Variants in GSAP observed in about 807,000 individuals in gnomAD.
GSAP encodes the protein gamma-secretase activating protein, also known as gamma-secretase-activating protein.
GSAP carries 118 observed loss-of-function variants against 131.7 expected under a neutral mutation model. The ratio of observed to expected loss-of-function variants is 0.90; its 90% CI spans 0.77 to 1.04. The LOEUF is 1.04. GSAP is among the 50% of genes least tolerant of loss of function. The probability of loss-of-function intolerance (pLI) is 0.00; values close to 1 mark genes in which losing one functional copy is unlikely to be tolerated. For missense variants in GSAP, 1,019 were observed against 1,013.2 expected (o/e 1.01, Z -0.08); for synonymous variants, 381 against 363.4 (o/e 1.05, Z -0.55).
chr7:77,328,532 G>C, intron 22 of GSAP, 74 bp downstream of exon 22: 1 of 1,568,954 alleles, frequency 6.4e-7, no homozygotes. Flanking sequence ...CCAACCCACA[G>C]TGGTAGGAAG....
chr7:77,376,811 T>C (rs1471459666), intron 10 of GSAP, 37 bp downstream of exon 10: 1 of 855,938 alleles, frequency 1.2e-6, no homozygotes. Flanking sequence ...TAATGTATCA[T>C]AAACTTTCCT....
At chr7:77,312,055 A>G in intron 29 of GSAP, 46 bp downstream of exon 29, 1 of 1,310,684 alleles carries the variant, frequency 7.6e-7, no homozygotes, top group Non-Finnish European at 1.1e-6. Flanking sequence ...ACGGGCAAAC[A>G]GGATCCTAAA....
rs376172672 is a variant in GSAP at position 77,312,143 on chromosome 7, C to T, written c.2331G>A (p.Ser777=). Residue 777 remains serine (S), a synonymous_variant, in exon 29 of 31, where the codon TCG becomes TCA. Coordinates refer to ENST00000257626, the MANE Select transcript of GSAP (RefSeq NM_017439.4). ...GAAGCAGTCGCGTCACGTGGTTCCGCGAAATGATGTTAGAACTCATAGGAT... is the reference window on the plus strand; with the variant it reads ...GAAGCAGTCGCGTCACGTGGTTCCGTGAAATGATGTTAGAACTCATAGGAT... ...WDHPMSSNII[S]RNHVTRLLQN... is the part of the protein sequence containing the mutation. The T allele has an allele frequency of 6.8e-5, 109 of 1,604,948 alleles. No homozygotes were observed. Among genetic ancestry groups the T allele is most frequent in the East Asian group, 3.6e-4 (16 of 44,782 alleles).
At chr7:77,410,912 T>C (rs1053312197) in intron 1 of GSAP, among the ~76,000 whole-genome samples, 2 of 152,138 alleles carry the variant, frequency 1.3e-5, no homozygotes, top group African/African-American at 2.4e-5. Context: ...AAATAATTCA[T>C]ATAAATCCTC....
In GSAP at chr7:77,416,208, C is replaced by A. The variant is rs1016804573; in HGVS notation, c.109+5G>T. On this transcript the variant is annotated splice_donor_5th_base_variant and intron_variant, in intron 1 of 30. Coordinates refer to ENST00000257626, the MANE Select transcript of GSAP (RefSeq NM_017439.4). The stretch of plus-strand genomic sequence containing the variant: ...CCACCCCTCTCCGCAGCGCGCCTCC[C>A]GCACCTGCGCCGCCGCTTCCGGCCC... The A allele has an allele frequency of 1.4e-6, 2 of 1,432,578 alleles. No individual in the cohort carries two copies. The highest frequency in any genetic ancestry group is 1.8e-6 in the Non-Finnish European group (2 of 1,087,906). 88.7% of individuals were successfully genotyped at this position (1,432,578 alleles called of 1,614,324 possible). A position where few individuals can be genotyped will look rare whatever the true frequency, so the allele number is the denominator to read the frequency against.
intron 30 of GSAP, 195 bp downstream of exon 30, chr7:77,311,646 T>C (rs534385586): frequency 1.6e-4 from 92 of 591,004 alleles, no homozygotes; most frequent in African/African-American, 1.5e-3. Context: ...CTCTTGACTC[T>C]TTTAAAACTT....
At chr7:77,353,182 T>G (rs1470083536) in intron 17 of GSAP, among the ~76,000 whole-genome samples, 156 bp from the exon 18 acceptor site, 1 of 152,210 alleles carries the variant, frequency 6.6e-6, no homozygotes, top group African/African-American at 2.4e-5. Flanking sequence ...ATCTACTGAC[T>G]AAAATGTTCA....
chr7:77,315,380 G>A (rs1794861175), intron 26 of GSAP: 1 of 152,198 alleles, frequency 6.6e-6, no homozygotes. Flanking sequence ...CTTTCCCACA[G>A]GGCTGCTTTG....
chr7:77,372,621 A>C (rs922070016), intron 12 of GSAP, among the ~76,000 whole-genome samples: 1 of 152,246 alleles, frequency 6.6e-6, no homozygotes, highest in Non-Finnish European at 1.5e-5. Context: ...ATATATAGTG[A>C]GAATGATAAA....
rs535918091 is a variant in GSAP at position 77,371,733 on chromosome 7, G to A, written c.871+2337C>T. 5.1e-4 allele frequency among the ~76,000 whole-genome samples: 78 copies of A among 152,232 alleles called. 2 individuals carry two copies. Among genetic ancestry groups the A allele is most frequent in the South Asian group, 8.3e-4 (4 of 4,820 alleles). The stretch of plus-strand genomic sequence containing the variant: ...ATTACAGGCGTGAGCCACCGTACCC[G>A]GCCCAATCCATCCTCCATACAGCAG... On this transcript the variant is annotated intron_variant, in intron 12 of 30. Coordinates refer to ENST00000257626, the MANE Select transcript of GSAP (RefSeq NM_017439.4).
chr7:77,366,178 C>T (rs1350164873), intron 12 of GSAP, among the ~76,000 whole-genome samples: 1 of 151,910 alleles, frequency 6.6e-6, no homozygotes, highest in East Asian at 1.9e-4. Flanking sequence ...TCTCCCAATT[C>T]TGTAGGTCGT....
intron 1 of GSAP, among the ~76,000 whole-genome samples, chr7:77,415,111 T>C (rs755061011): frequency 6.6e-6 from 1 of 152,154 alleles, no homozygotes; most frequent in South Asian, 2.1e-4. Flanking sequence ...GCAAACTCAA[T>C]GCATACGCTA....
chr7:77,318,131 T>G (rs1014175974), intron 26 of GSAP, among the ~76,000 whole-genome samples: 5 of 152,246 alleles, frequency 3.3e-5, no homozygotes, highest in African/African-American at 7.2e-5. Context: ...GCATGGATTT[T>G]GGAGCCAAAC....
intron 1 of GSAP, among the ~76,000 whole-genome samples, chr7:77,409,031 C>T (rs1041975314): frequency 2.6e-5 from 4 of 152,134 alleles, no homozygotes; most frequent in Admixed American, 2.6e-4. Flanking sequence ...TAGTGGGTCT[C>T]CTAGGGGCAG....
intron 23 of GSAP, among the ~76,000 whole-genome samples, chr7:77,324,107 C>T (rs374133084): frequency 2.0e-4 from 31 of 152,142 alleles, no homozygotes; most frequent in African/African-American, 7.2e-4. Context: ...GGGGGATTAA[C>T]AGGAACAACT....
At chr7:77,399,071 T>A (rs897303372) in intron 3 of GSAP, among the ~76,000 whole-genome samples, 5 of 152,172 alleles carry the variant, frequency 3.3e-5, no homozygotes, top group African/African-American at 1.2e-4. Flanking sequence ...TACATTTAGG[T>A]AATATAATAA....
intron 5 of GSAP, 70 bp from the exon 6 acceptor site, chr7:77,387,518 G>C: frequency 2.4e-6 from 2 of 836,628 alleles, no homozygotes; most frequent in Non-Finnish European, 4.1e-6. Context: ...AAAGCAAGGA[G>C]TAAGAACAAT....
intron 5 of GSAP, among the ~76,000 whole-genome samples, chr7:77,391,743 G>A (rs1233150686): frequency 6.6e-6 from 1 of 152,176 alleles, no homozygotes. Context: ...GTTGAGGTGG[G>A]AAGATCACCT....
In GSAP at chr7:77,312,046, C is replaced by T. The variant is rs143490916; in HGVS notation, c.2373+55G>A. The T allele has an allele frequency of 6.5e-3, 8,191 of 1,263,930 alleles. 95 individuals carry two copies. The highest frequency in any genetic ancestry group is 0.03 in the South Asian group (2,429 of 79,904). The allele number at this position is 1,263,930 out of a possible 1,614,324, so 78.3% of individuals were successfully genotyped here. ...TGCTGTCCATACAGATATGTTGTCACGGGCAAACAGGATCCTAAAAACATT... is the reference window on the plus strand; with the variant it reads ...TGCTGTCCATACAGATATGTTGTCATGGGCAAACAGGATCCTAAAAACATT... On this transcript the variant is annotated intron_variant, in intron 29 of 30. Coordinates refer to ENST00000257626, the MANE Select transcript of GSAP (RefSeq NM_017439.4).
Sources: gnomAD v4.1 joint callset for allele counts (sites outside exome capture counted in the v4.1 genomes callset) on GRCh38, gnomAD v4.1.1 for gene constraint, MANE v1.5 for transcripts, NCBI Gene and HGNC (gene_info 2026-07-23, HGNC 2026-07-21) for gene names.